Variants in HHLA2 observed in about 807,000 individuals in gnomAD.
The protein encoded by HHLA2 is HERV-H LTR-associating protein 2.
A neutral mutation model predicts 45.9 loss-of-function variants in HHLA2; 48 were observed. The observed-to-expected ratio is 1.05, with a 90% CI of 0.83 to 1.33. The LOEUF (loss-of-function observed/expected upper bound fraction) is 1.33, where lower values mean the gene tolerates loss of function less well. Among genes scored for constraint, HHLA2 ranks in the 40% most tolerant of loss-of-function variants. The pLI is 0.00. For missense variants in HHLA2, 462 were observed against 494.3 expected, an observed-to-expected ratio of 0.93 and a Z score of 0.62; for synonymous variants, 161 against 173.9, an observed-to-expected ratio of 0.93 and a Z score of 0.59.
chr3:108,338,013 G>A, intron 3 of HHLA2, among the ~76,000 whole-genome samples: 1 of 152,028 alleles, frequency 6.6e-6, no homozygotes. Flanking sequence ...ATAAGCCACT[G>A]TCTCCAGGTA....
At chr3:108,367,267 C>G (rs1222474437) in intron 8 of HHLA2, among the ~76,000 whole-genome samples, 4 of 152,132 alleles carry the variant, frequency 2.6e-5, no homozygotes, top group Non-Finnish European at 4.4e-5. Flanking sequence ...CACAAAAATG[C>G]TGAAAATTTA....
chr3:108,307,518 C>T (rs1309228868), intron 1 of HHLA2, among the ~76,000 whole-genome samples: 2 of 151,870 alleles, frequency 1.3e-5, no homozygotes, highest in African/African-American at 4.8e-5. Context: ...CCTGTAATCC[C>T]AGCTACTCGG....
chr3:108,376,600 A>G lies in HHLA2; in HGVS notation c.1224+43A>G, dbSNP rs749821837. On this transcript the variant is annotated intron_variant, in intron 10 of 10. Transcript: ENST00000619531. ...TTATCAAACCATATACAGTATAAAA[A>G]TGCTTCTTTAAAAGGGTAATTGAAG... is the stretch of plus-strand genomic sequence containing the variant. The G allele has an allele frequency of 3.9e-6, 6 of 1,544,254 alleles. No individual in the cohort carries two copies. In the African/African-American group the frequency reaches 8.2e-5, roughly 21 times the overall value.
At chr3:108,302,217 G>A (rs1282813185) in intron 1 of HHLA2, among the ~76,000 whole-genome samples, 5 of 152,046 alleles carry the variant, frequency 3.3e-5, no homozygotes, top group Admixed American at 3.3e-4. Context: ...GAAAATACCT[G>A]ATTTCATTTT....
chr3:108,334,176 A>T (rs1273673863), intron 3 of HHLA2, among the ~76,000 whole-genome samples: 1 of 152,184 alleles, frequency 6.6e-6, no homozygotes, highest in African/African-American at 2.4e-5. Context: ...CACAGATCCA[A>T]AGGCAATGCA....
intron 8 of HHLA2, among the ~76,000 whole-genome samples, chr3:108,375,507 T>G (rs2082259077): frequency 6.6e-6 from 1 of 151,200 alleles, no homozygotes. Context: ...AAAAATAAAT[T>G]GTACATCAAG....
At chr3:108,351,330 A>G (rs1446542707) in intron 3 of HHLA2, among the ~76,000 whole-genome samples, 1 of 152,208 alleles carries the variant, frequency 6.6e-6, no homozygotes, top group Admixed American at 6.5e-5. Context: ...TTGAATTTAA[A>G]TTGGTTTTAG....
At chr3:108,324,758 G>T (rs555760693) in intron 2 of HHLA2, among the ~76,000 whole-genome samples, 1 of 152,152 alleles carries the variant, frequency 6.6e-6, no homozygotes, top group East Asian at 1.9e-4. Flanking sequence ...GACTTACTCC[G>T]TGCTTTCTAT....
In HHLA2 at chr3:108,353,425, A is replaced by C; in HGVS notation, c.65-2A>C. 1 of 1,542,824 alleles carries C rather than the reference A, an allele frequency of 6.5e-7. No homozygotes were observed. Among genetic ancestry groups the C allele is most frequent in the Non-Finnish European group, 8.8e-7 (1 of 1,135,262 alleles). On this transcript the variant is annotated splice_acceptor_variant, in intron 4 of 10. Transcript: ENST00000619531. LOFTEE classifies it high-confidence loss of function. ...TTATAACTTCTCTGCTCTTGACTGT[A>C]GGCATATTCCCTTTGGCTTTCTTCA... is the stretch of plus-strand genomic sequence containing the variant.
intron 1 of HHLA2, among the ~76,000 whole-genome samples, chr3:108,303,249 C>T (rs1262229386): frequency 6.6e-6 from 1 of 152,166 alleles, no homozygotes; most frequent in Admixed American, 6.5e-5. Flanking sequence ...TATCCTAATA[C>T]TGTGTCATTT....
intron 7 of HHLA2, among the ~76,000 whole-genome samples, chr3:108,358,475 T>C (rs929899467): frequency 1.3e-5 from 2 of 152,138 alleles, no homozygotes; most frequent in African/African-American, 2.4e-5. Context: ...GTGCCTAATA[T>C]ATACCTTAGG....
At chr3:108,325,909 CA>C in intron 2 of HHLA2, 1 of 399,474 alleles carries the variant, frequency 2.5e-6, no homozygotes, top group Non-Finnish European at 4.9e-6. Flanking sequence ...TCTCTTGCTT[CA>C]ATAAGGCTTT....
intron 3 of HHLA2, among the ~76,000 whole-genome samples, chr3:108,349,192 A>T (rs893722508): frequency 4.9e-5 from 6 of 121,538 alleles, no homozygotes; most frequent in African/African-American, 1.9e-4. Context: ...AAATCAATGA[A>T]TCCAAGAGCT....
chr3:108,330,229 C>A (rs577837491), intron 3 of HHLA2, among the ~76,000 whole-genome samples: 1 of 152,198 alleles, frequency 6.6e-6, no homozygotes, highest in South Asian at 2.1e-4. Flanking sequence ...GTTATACAGA[C>A]CAGCCCTGGT....
intron 2 of HHLA2, among the ~76,000 whole-genome samples, 177 bp downstream of exon 2, chr3:108,310,918 T>C (rs1267310507): frequency 1.3e-5 from 2 of 152,194 alleles, no homozygotes; most frequent in African/African-American, 4.8e-5. Flanking sequence ...GAAATAGTAT[T>C]ACCATTCACC....
chr3:108,330,472 A>G (rs1450667176), intron 3 of HHLA2, among the ~76,000 whole-genome samples: 2 of 152,258 alleles, frequency 1.3e-5, no homozygotes, highest in Non-Finnish European at 2.9e-5. Flanking sequence ...TTTTGCAGAT[A>G]CAATTAGCAA....
chr3:108,349,202 TG>T (rs2081729040), intron 3 of HHLA2, among the ~76,000 whole-genome samples: 1 of 45,094 alleles, frequency 2.2e-5, no homozygotes, highest in Non-Finnish European at 7.1e-5. Flanking sequence ...ATCCAAGAGC[TG>T]TTTTTTTTAA....
chr3:108,334,046 G>A (rs140541807), intron 3 of HHLA2, among the ~76,000 whole-genome samples: 5 of 152,248 alleles, frequency 3.3e-5, no homozygotes, highest in Non-Finnish European at 7.4e-5. Flanking sequence ...GCACATTACT[G>A]TTCTTCATAG....
chr3:108,373,458 G>A lies in HHLA2; in HGVS notation c.1109-2292G>A, dbSNP rs569710836. Among the ~76,000 whole-genome samples, 66 of 152,164 alleles carry A rather than the reference G, an allele frequency of 4.3e-4. No individual in the cohort carries two copies. The South Asian group carries it at 0.014, about 32-fold the overall frequency. ...CCTCTCACCACTCCTATTCAACATA[G>A]TGTTGGAAGTTCTGGCCAGGGCAAT... On this transcript the variant is annotated intron_variant, in intron 8 of 10. Transcript: ENST00000619531.
Sources: gnomAD v4.1 joint callset for allele counts (sites outside exome capture counted in the v4.1 genomes callset) on GRCh38, gnomAD v4.1.1 for gene constraint, MANE v1.5 for transcripts, NCBI Gene and HGNC (gene_info 2026-07-23, HGNC 2026-07-21) for gene names.